EBF1: variants seen among roughly 807,000 people sequenced by gnomAD.
EBF1 encodes transcription factor COE1.
Under a neutral mutation model 68.4 loss-of-function variants are expected in EBF1, and 10 were observed. The ratio of observed to expected loss-of-function variants is 0.15; its 90% CI spans 0.09 to 0.25. EBF1 has a LOEUF of 0.25. EBF1 is among the 10% of genes least tolerant of loss of function. The pLI is 1.00. For missense variants in EBF1, 509 were observed against 794.4 expected (o/e 0.64, Z 4.32); for synonymous variants, 298 against 299.8 (o/e 0.99, Z 0.06).
At chr5:159,097,205 T>G in intron 1 of EBF1, 75 bp from the exon 2 acceptor site, 1 of 1,492,904 alleles carries the variant, frequency 6.7e-7, no homozygotes, top group Non-Finnish European at 9.0e-7. Context: ...GTACACACAC[T>G]CGAACCCTCA....
chr5:158,948,783 C>T (rs1341389441), intron 6 of EBF1, among the ~76,000 whole-genome samples: 1 of 152,198 alleles, frequency 6.6e-6, no homozygotes, highest in Non-Finnish European at 1.5e-5. Context: ...AGAAGCCGAG[C>T]TCTCGATGGT....
intron 6 of EBF1, among the ~76,000 whole-genome samples, chr5:158,947,630 C>T (rs1815071171): frequency 1.3e-5 from 2 of 152,202 alleles, no homozygotes; most frequent in Admixed American, 1.3e-4. Context: ...AGGAGCTGTT[C>T]CTATTCGGCC....
chr5:159,002,450 G>A (rs932311605), intron 6 of EBF1, among the ~76,000 whole-genome samples: 20 of 152,058 alleles, frequency 1.3e-4, no homozygotes, highest in African/African-American at 4.8e-4. Context: ...AGTGATTGAT[G>A]GTGTAGTTCA....
At chr5:158,707,341 T>A (rs895747105) in intron 15 of EBF1, among the ~76,000 whole-genome samples, 2 of 152,256 alleles carry the variant, frequency 1.3e-5, no homozygotes, top group African/African-American at 4.8e-5. Context: ...ACTATTTTAT[T>A]TTCCAAATGC....
chr5:159,053,022 G>A (rs1774091042), intron 6 of EBF1, among the ~76,000 whole-genome samples: 1 of 152,204 alleles, frequency 6.6e-6, no homozygotes, highest in African/African-American at 2.4e-5. Context: ...AAGGAATAGC[G>A]ATTACGCCAG....
chr5:158,833,785 G>T (rs771623237), intron 7 of EBF1, among the ~76,000 whole-genome samples: 1 of 152,222 alleles, frequency 6.6e-6, no homozygotes, highest in Non-Finnish European at 1.5e-5. Context: ...ACCTTCTGCT[G>T]CAGGTGAGCC....
Position 158,921,667 on chromosome 5 carries a change from T to A in EBF1, c.555-81557A>T, listed in dbSNP as rs193145245. ...ATGTGATGAATACTGAATTCATCAT[T>A]ACCAGCCGGAGCTTGTAGAGATGTA... On this transcript the variant is annotated intron_variant, in intron 6 of 15. Coordinates refer to ENST00000313708, the MANE Select transcript of EBF1 (RefSeq NM_024007.5). Among the ~76,000 whole-genome samples the A allele has an allele frequency of 1.5e-3, 235 of 152,336 alleles. 1 individual carries two copies. Among genetic ancestry groups the A allele is most frequent in the Non-Finnish European group, 3.0e-3 (202 of 68,028 alleles).
At chr5:158,874,703 G>A (rs186752963) in intron 6 of EBF1, among the ~76,000 whole-genome samples, 3 of 151,830 alleles carry the variant, frequency 2.0e-5, no homozygotes, top group Admixed American at 6.6e-5. Context: ...TGCAAGACTC[G>A]GCAGGAATTA....
chr5:159,037,969 C>T (rs956214149), intron 6 of EBF1, among the ~76,000 whole-genome samples: 1 of 152,066 alleles, frequency 6.6e-6, no homozygotes, highest in Non-Finnish European at 1.5e-5. Flanking sequence ...TGCACAAATA[C>T]CCATACCTAG....
At chr5:159,000,015 T>C (rs1350023429) in intron 6 of EBF1, among the ~76,000 whole-genome samples, 1 of 152,180 alleles carries the variant, frequency 6.6e-6, no homozygotes, top group Non-Finnish European at 1.5e-5. Flanking sequence ...GGCCATGGGG[T>C]GAAAACTATT....
intron 6 of EBF1, among the ~76,000 whole-genome samples, chr5:158,956,754 C>CTTT (rs397883009): frequency 6.5e-3 from 729 of 112,692 alleles, no homozygotes; most frequent in Non-Finnish European, 8.1e-3. Context: ...ACCAACACTT[C>CTTT]TTTTTTTTTT....
rs73305711 is a variant in EBF1, at chr5:159,068,132, T to C, written c.554+5264A>G. Among the ~76,000 whole-genome samples, 1,313 of 152,272 alleles carry C rather than the reference T, an allele frequency of 8.6e-3. 18 individuals are homozygous for C. The highest frequency in any genetic ancestry group is 0.029 in the African/African-American group (1,185 of 41,562). The stretch of plus-strand genomic sequence containing the variant: ...CAAAATAAGAAGAGTTGAAAGGGCA[T>C]TGAAATGAAATCATGAAACTAACTA... On this transcript the variant is annotated intron_variant, in intron 6 of 15. Coordinates refer to ENST00000313708, the MANE Select transcript of EBF1 (RefSeq NM_024007.5).
At chr5:159,061,240 T>G (rs1291677568) in intron 6 of EBF1, among the ~76,000 whole-genome samples, 1 of 152,114 alleles carries the variant, frequency 6.6e-6, no homozygotes, top group African/African-American at 2.4e-5. Flanking sequence ...GAGCAAAGGC[T>G]TTGTGTACAA....
intron 6 of EBF1, among the ~76,000 whole-genome samples, chr5:159,068,408 T>C (rs1561936265): frequency 6.6e-6 from 1 of 151,834 alleles, no homozygotes; most frequent in East Asian, 1.9e-4. Flanking sequence ...GATGGATGGA[T>C]GGTTAGATAG....
intron 8 of EBF1, among the ~76,000 whole-genome samples, chr5:158,797,844 C>T (rs534469156): frequency 6.6e-6 from 1 of 152,260 alleles, no homozygotes; most frequent in South Asian, 2.1e-4. Context: ...TGACTTTTCT[C>T]TTCTCTACTT....
chr5:158,744,546 A>T (rs1767138120), intron 10 of EBF1, among the ~76,000 whole-genome samples: 1 of 152,230 alleles, frequency 6.6e-6, no homozygotes, highest in East Asian at 1.9e-4. Context: ...TGGCACACAC[A>T]GTTTCAGACA....
At chr5:158,775,690 A>G (rs1774977256) in intron 10 of EBF1, among the ~76,000 whole-genome samples, 1 of 151,592 alleles carries the variant, frequency 6.6e-6, no homozygotes, top group Non-Finnish European at 1.5e-5. Flanking sequence ...GGAATGTTAC[A>G]GTATCAGAAG....
At chr5:159,086,797 A>T (rs765608340) in intron 4 of EBF1, among the ~76,000 whole-genome samples, 71 of 152,158 alleles carry the variant, frequency 4.7e-4, no homozygotes, top group Non-Finnish European at 8.1e-4. Flanking sequence ...GACGTAATCC[A>T]GATTGTGTTA....
intron 6 of EBF1, among the ~76,000 whole-genome samples, chr5:158,975,655 A>G (rs936602634): frequency 1.3e-5 from 2 of 152,252 alleles, no homozygotes; most frequent in African/African-American, 4.8e-5. Flanking sequence ...AAATGTCACA[A>G]GCAACCTACA....
Sources: gnomAD v4.1 joint callset for allele counts (sites outside exome capture counted in the v4.1 genomes callset) on GRCh38, gnomAD v4.1.1 for gene constraint, MANE v1.5 for transcripts, NCBI Gene and HGNC (gene_info 2026-07-23, HGNC 2026-07-21) for gene names.